The following CDH6 variants were observed in gnomAD, a reference collection of about 807,000 sequenced individuals.
CDH6 encodes cadherin-6.
In CDH6, 31 loss-of-function variants were observed where a neutral mutation model predicts 78.0. The observed-to-expected ratio is 0.40, with a 90% CI of 0.30 to 0.54. The LOEUF (loss-of-function observed/expected upper bound fraction) is 0.54, where lower values mean the gene tolerates loss of function less well. Among genes scored for constraint, CDH6 ranks in the 20% least tolerant of loss-of-function variants. The pLI, the probability that CDH6 is intolerant of heterozygous loss-of-function variation, is 0.56. For synonymous variants in CDH6, 376 were observed against 368.8 expected (o/e 1.02, Z -0.23); for missense variants, 724 against 975.9 (o/e 0.74, Z 3.44).
At chr5:31,210,897 T>C (rs1000116398) in intron 1 of CDH6, among the ~76,000 whole-genome samples, 1 of 152,198 alleles carries the variant, frequency 6.6e-6, no homozygotes, top group African/African-American at 2.4e-5. Context: ...GCCAACTGTA[T>C]TGTATAAGCA....
intron 1 of CDH6, among the ~76,000 whole-genome samples, chr5:31,266,933 T>C (rs1157666900): frequency 6.6e-6 from 1 of 152,216 alleles, no homozygotes; most frequent in African/African-American, 2.4e-5. Flanking sequence ...CCACTTTCAA[T>C]TGAATTCAAA....
intron 2 of CDH6, among the ~76,000 whole-genome samples, chr5:31,292,430 G>A (rs1279437628): frequency 1.3e-5 from 2 of 152,046 alleles, no homozygotes; most frequent in Non-Finnish European, 2.9e-5. Flanking sequence ...AGACTAGGTT[G>A]GATTATTTTT....
At chr5:31,322,792 C>T in intron 11 of CDH6, 26 bp from the exon 12 acceptor site, 1 of 1,588,676 alleles carries the variant, frequency 6.3e-7, no homozygotes. Context: ...TTTTCCTTCC[C>T]TTTCTGTTTT....
At chr5:31,210,361 G>A (rs1317650558) in intron 1 of CDH6, among the ~76,000 whole-genome samples, 2 of 151,980 alleles carry the variant, frequency 1.3e-5, no homozygotes, top group African/African-American at 2.4e-5. Flanking sequence ...AAAATTTGCC[G>A]GGCATGGTCG....
intron 1 of CDH6, among the ~76,000 whole-genome samples, chr5:31,199,451 CATATGTGTATATATACACACACAT>C (rs1269854733): frequency 8.9e-3 from 239 of 26,742 alleles, no homozygotes; most frequent in East Asian, 0.089. Flanking sequence ...TATACACACA[CATATGTGTATATATACACACACAT>C]ATGTGTATAT....
At chr5:31,240,490 C>T (rs1741569059) in intron 1 of CDH6, among the ~76,000 whole-genome samples, 1 of 152,068 alleles carries the variant, frequency 6.6e-6, no homozygotes, top group Admixed American at 6.6e-5. Context: ...ACAATCAGAT[C>T]ATTTAGGCCA....
chr5:31,256,997 G>A (rs1742072466), intron 1 of CDH6, among the ~76,000 whole-genome samples: 1 of 152,096 alleles, frequency 6.6e-6, no homozygotes, highest in South Asian at 2.1e-4. Flanking sequence ...CACGACTTTC[G>A]ACAGTAATTT....
intron 2 of CDH6, among the ~76,000 whole-genome samples, chr5:31,279,747 C>A (rs1331226129): frequency 6.6e-6 from 1 of 152,032 alleles, no homozygotes; most frequent in African/African-American, 2.4e-5. Context: ...GTGGCAGAGG[C>A]AGAAGAAAAT....
intron 11 of CDH6, 35 bp downstream of exon 11, chr5:31,317,959 G>A: frequency 6.2e-7 from 1 of 1,605,430 alleles, no homozygotes; most frequent in Non-Finnish European, 8.5e-7. Flanking sequence ...ATCTCCCCAT[G>A]GTGAGGGGCT....
At chr5:31,305,500 G>A (rs559571879) in intron 7 of CDH6, 73 bp downstream of exon 7, 2 of 1,445,650 alleles carry the variant, frequency 1.4e-6, no homozygotes, top group East Asian at 2.3e-5. Context: ...GCCTGCACTT[G>A]AGAAAAGATG....
At chr5:31,307,043 G>C (rs1738009684) in intron 7 of CDH6, among the ~76,000 whole-genome samples, 1 of 152,092 alleles carries the variant, frequency 6.6e-6, no homozygotes, top group South Asian at 2.1e-4. Flanking sequence ...CAGCGAGGAG[G>C]CCTCCGCAGC....
At chr5:31,315,242 T>C (rs144340147) in intron 8 of CDH6, among the ~76,000 whole-genome samples, 213 of 152,334 alleles carry the variant, frequency 1.4e-3, no homozygotes, top group African/African-American at 5.0e-3. Flanking sequence ...TATATATTTA[T>C]GAGTTTATGG....
intron 1 of CDH6, among the ~76,000 whole-genome samples, chr5:31,218,308 A>G (rs1178991273): frequency 6.6e-6 from 1 of 152,240 alleles, no homozygotes; most frequent in African/African-American, 2.4e-5. Flanking sequence ...AAAGAAAACT[A>G]TACCTGAAAG....
At chr5:31,313,483 C>G in intron 8 of CDH6, 29 bp downstream of exon 8, 1 of 1,597,340 alleles carries the variant, frequency 6.3e-7, no homozygotes, top group African/African-American at 1.3e-5. Flanking sequence ...CGCTGCTGTC[C>G]CCTATTAATA....
intron 1 of CDH6, among the ~76,000 whole-genome samples, chr5:31,199,449 CACATATGTGTATATATACACACACAT>C (rs2111767823): frequency 7.2e-5 from 2 of 27,596 alleles, no homozygotes; most frequent in East Asian, 3.7e-3. Context: ...TATATACACA[CACATATGTGTATATATACACACACAT>C]ATGTGTATAT....
chr5:31,212,849 G>A (rs1038940723), intron 1 of CDH6, among the ~76,000 whole-genome samples: 1 of 151,928 alleles, frequency 6.6e-6, no homozygotes, highest in Non-Finnish European at 1.5e-5. Context: ...TAGAAATCAA[G>A]GCTACCAGCT....
chr5:31,290,705 G>A (rs1743131344), intron 2 of CDH6, among the ~76,000 whole-genome samples: 1 of 152,118 alleles, frequency 6.6e-6, no homozygotes, highest in Admixed American at 6.6e-5. Context: ...GAGTTTGATG[G>A]CAGAGGAGGA....
chr5:31,207,357 C>T (rs1307186246), intron 1 of CDH6, among the ~76,000 whole-genome samples: 1 of 152,168 alleles, frequency 6.6e-6, no homozygotes, highest in Non-Finnish European at 1.5e-5. Context: ...ATCCAGCTGA[C>T]CAGTGCTCCC....
chr5:31,302,899 G>GA (rs1202118631), intron 6 of CDH6, among the ~76,000 whole-genome samples: 5 of 104,624 alleles, frequency 4.8e-5, no homozygotes, highest in South Asian at 3.2e-4. Context: ...AAGAAAGAAA[G>GA]AAAAAAAGAA....
Sources: gnomAD v4.1 joint callset for allele counts (sites outside exome capture counted in the v4.1 genomes callset) on GRCh38, gnomAD v4.1.1 for gene constraint, MANE v1.5 for transcripts, NCBI Gene and HGNC (gene_info 2026-07-23, HGNC 2026-07-21) for gene names.